Variants in NOL7 observed in about 807,000 individuals in gnomAD.
NOL7 encodes the protein nucleolar protein 7, also known as U3 small nucleolar RNA-associated protein NOL7.
Under a neutral mutation model 38.4 loss-of-function variants are expected in NOL7, and 36 were observed. The ratio of observed to expected loss-of-function variants is 0.94; its 90% CI spans 0.72 to 1.24. The LOEUF is 1.24. Ranked by LOEUF, NOL7 falls within the 50% of genes most tolerant of loss-of-function variation. NOL7 has a pLI of 0.00. For synonymous variants in NOL7, 142 were observed against 126.5 expected (o/e 1.12, Z -0.82); for missense variants, 350 against 315.1 (o/e 1.11, Z -0.84).
chr6:13,626,338 C>T (rs1764602120), downstream of NOL7, among the ~76,000 whole-genome samples: 1 of 152,166 alleles, frequency 6.6e-6, no homozygotes, highest in Non-Finnish European at 1.5e-5. Context: ...TTTCAAACAA[C>T]TACTTTATAT....
chr6:13,616,116 A>G (rs1764278967), intron 2 of NOL7, among the ~76,000 whole-genome samples: 1 of 152,214 alleles, frequency 6.6e-6, no homozygotes, highest in Non-Finnish European at 1.5e-5. Context: ...GGTGATTTGT[A>G]AACTGTAAGG....
intron 8 of NOL7, among the ~76,000 whole-genome samples, chr6:13,628,664 AAACATCT>A (rs1223362230): frequency 6.6e-6 from 1 of 152,254 alleles, no homozygotes; most frequent in Non-Finnish European, 1.5e-5. Context: ...TCCCAGTCGT[AAACATCT>A]AGGACTTGAT....
intron 2 of NOL7, among the ~76,000 whole-genome samples, chr6:13,616,260 C>G (rs531603501): frequency 6.6e-6 from 1 of 152,292 alleles, no homozygotes; most frequent in East Asian, 1.9e-4. Context: ...GGCACCCTTT[C>G]TAGTTTTCAT....
At chr6:13,631,993 T>C (rs1215761820) in intron 8 of NOL7, among the ~76,000 whole-genome samples, 4 of 152,146 alleles carry the variant, frequency 2.6e-5, no homozygotes, top group African/African-American at 4.8e-5. Flanking sequence ...CTCAGACCTA[T>C]AGTTTTATCT....
downstream of NOL7, chr6:13,625,678 G>A (rs2127758276): frequency 6.2e-7 from 1 of 1,611,330 alleles, no homozygotes; most frequent in Non-Finnish European, 8.5e-7. Flanking sequence ...TAAGAGCTGA[G>A]CACACAGGTT....
chr6:13,621,443 T>C lies in NOL7; in HGVS notation c.*616T>C, dbSNP rs949741176. On this transcript the variant is annotated 3_prime_UTR_variant, in exon 8 of 8. Coordinates refer to ENST00000451315, the MANE Select transcript of NOL7 (RefSeq NM_016167.5). Reference sequence around the variant, plus strand: ...TTAATTTTAATTGCTCTAATTTTCATAGTAATCATAAAAAGTATGCAAGTA... The same window carrying C: ...TTAATTTTAATTGCTCTAATTTTCACAGTAATCATAAAAAGTATGCAAGTA... 3 of 152,642 alleles carry C rather than the reference T, an allele frequency of 2.0e-5. No homozygotes were observed. Among genetic ancestry groups the C allele is most frequent in the Admixed American group, 6.5e-5 (1 of 15,284 alleles). 9.5% of individuals were successfully genotyped at this position (152,642 alleles called of 1,614,324 possible).
chr6:13,630,477 C>T (rs1032242137), intron 8 of NOL7, among the ~76,000 whole-genome samples: 6 of 148,866 alleles, frequency 4.0e-5, no homozygotes, highest in African/African-American at 1.5e-4. Flanking sequence ...AAAAGAAAAC[C>T]AAGTCAGATG....
Position 13,620,805 on chromosome 6 carries a change from G to T in NOL7, c.752G>T (p.Arg251Ile). The T allele has an allele frequency of 6.2e-7, 1 of 1,601,826 alleles. No individual in the cohort carries two copies. Among genetic ancestry groups the T allele is most frequent in the South Asian group, 1.1e-5 (1 of 88,760 alleles). The change falls in exon 8 of 8, where the codon AGA (arginine) becomes ATA (isoleucine). Residue 251 changes from arginine to isoleucine, a missense_variant. Physicochemically the swap from Arg to Ile is moderately conservative, Grantham distance 97 (BLOSUM62 -3). Coordinates refer to ENST00000451315, the MANE Select transcript of NOL7 (RefSeq NM_016167.5). ...AKRFKRRWMV[R>I]KMKTKK ...AGGTTTAAAAGACGGTGGATGGTCA[G>T]AAAGATGAAAACTAAGAAGTAAATC... is the stretch of plus-strand genomic sequence containing the variant.
At chr6:13,623,937 G>A (rs1764529913), downstream of NOL7, among the ~76,000 whole-genome samples, 1 of 152,052 alleles carries the variant, frequency 6.6e-6, no homozygotes, top group Non-Finnish European at 1.5e-5. Flanking sequence ...AAGAAAACTG[G>A]TCACTTTAAA....
At chr6:13,626,064 G>C (rs982381429), downstream of NOL7, among the ~76,000 whole-genome samples, 2 of 152,226 alleles carry the variant, frequency 1.3e-5, no homozygotes, top group Non-Finnish European at 2.9e-5. Flanking sequence ...TGTAGGGAGA[G>C]TGGAAGGCAA....
rs763700292 is a variant in NOL7, at chr6:13,617,763, T to C, written c.387-7T>C. 1.9e-6 allele frequency: 3 copies of C among 1,613,742 alleles called. No homozygotes were observed. The highest frequency in any genetic ancestry group is 1.1e-5 in the South Asian group (1 of 91,070). On this transcript the variant is annotated splice_polypyrimidine_tract_variant and splice_region_variant and intron_variant, in intron 3 of 7. Coordinates refer to ENST00000451315, the MANE Select transcript of NOL7 (RefSeq NM_016167.5). Reference sequence around the variant, plus strand: ...TTGCAGTCAGTGGTTTTGTTTTTTTTCCTTAGCATCAAGAAATCGCCAGGA... The same window carrying C: ...TTGCAGTCAGTGGTTTTGTTTTTTTCCCTTAGCATCAAGAAATCGCCAGGA...
intron 6 of NOL7, 38 bp from the exon 7 acceptor site, chr6:13,620,370 A>C: frequency 6.2e-7 from 1 of 1,613,902 alleles, no homozygotes; most frequent in Non-Finnish European, 8.5e-7. Context: ...TTTTACTGCA[A>C]ATAAAACTGT....
At position 13,620,821 on chromosome 6, in the gene NOL7, G is replaced by T; in HGVS notation, c.768G>T (p.Lys256Asn). Reference protein sequence around the residue: ...RRWMVRKMKTKK With the variant: ...RRWMVRKMKTNK ...GGATGGTCAGAAAGATGAAAACTAA[G>T]AAGTAAATCAATGCTAAATGAAGAA... Residue 256 changes from lysine (K) to asparagine (N), a missense_variant, in exon 8 of 8, where the codon AAG becomes AAT. By Grantham distance (94) the Lys-to-Asn change is moderately conservative. Coordinates refer to ENST00000451315, the MANE Select transcript of NOL7 (RefSeq NM_016167.5). 6.3e-7 allele frequency: 1 copy of T among 1,587,376 alleles called. No individual in the cohort carries two copies. The highest frequency in any genetic ancestry group is 1.7e-4 in the Middle Eastern group (1 of 5,950).
rs760292048 is a variant in NOL7 at position 13,620,973 on chromosome 6, T to A, written c.*146T>A. ...ACATTTCATTCTTCTGGAGTAGAAC[T>A]GTGCCTTGCAATCCTAGAGGAAAAA... On this transcript the variant is annotated 3_prime_UTR_variant, in exon 8 of 8. Coordinates refer to ENST00000451315, the MANE Select transcript of NOL7 (RefSeq NM_016167.5). 1.9e-6 allele frequency: 1 copy of A among 520,262 alleles called. No homozygotes were observed. Among genetic ancestry groups the A allele is most frequent in the Non-Finnish European group, 3.4e-6 (1 of 294,130 alleles). 32.2% of individuals were successfully genotyped at this position (520,262 alleles called of 1,614,324 possible). A position where few individuals can be genotyped will look rare whatever the true frequency, so the allele number is the denominator to read the frequency against.
chr6:13,626,787 C>T (rs1764618505), intron 8 of NOL7, among the ~76,000 whole-genome samples: 1 of 152,114 alleles, frequency 6.6e-6, no homozygotes, highest in South Asian at 2.1e-4. Flanking sequence ...TTCAGCTGCT[C>T]AAAAAACCAG....
intron 5 of NOL7, among the ~76,000 whole-genome samples, chr6:13,618,557 T>C (rs2127754588): frequency 6.6e-6 from 1 of 152,274 alleles, no homozygotes; most frequent in South Asian, 2.1e-4. Flanking sequence ...GGGAAAATAT[T>C]TTAATTAGTA....
At chr6:13,617,965 T>A in intron 4 of NOL7, 93 bp from the exon 5 acceptor site, 1 of 930,750 alleles carries the variant, frequency 1.1e-6, no homozygotes, top group Non-Finnish European at 1.7e-6. Context: ...GCATCCACAT[T>A]GGTGTGTAGT....
downstream of NOL7, chr6:13,622,588 C>A: frequency 7.8e-7 from 1 of 1,278,998 alleles, no homozygotes; most frequent in East Asian, 2.5e-5. Context: ...TTAAAAACTA[C>A]CACTCCCATA....
At chr6:13,631,489 T>C (rs1384463538) in intron 8 of NOL7, among the ~76,000 whole-genome samples, 1 of 152,200 alleles carries the variant, frequency 6.6e-6, no homozygotes, top group Non-Finnish European at 1.5e-5. Context: ...CACTCTTAAG[T>C]ATCAGATTTT....
Sources: gnomAD v4.1 joint callset for allele counts (sites outside exome capture counted in the v4.1 genomes callset) on GRCh38, gnomAD v4.1.1 for gene constraint, MANE v1.5 for transcripts, NCBI Gene and HGNC (gene_info 2026-07-23, HGNC 2026-07-21) for gene names.